PDZD2: variants seen among roughly 807,000 people sequenced by gnomAD.
PDZD2 encodes the protein PDZ domain containing 2.
PDZD2 carries 90 observed loss-of-function variants against 220.7 expected under a neutral mutation model. That is an observed-to-expected ratio of 0.41 (90% CI 0.34 to 0.49). The LOEUF (loss-of-function observed/expected upper bound fraction) is 0.49, where lower values mean the gene tolerates loss of function less well. Among genes scored for constraint, PDZD2 ranks in the 20% least tolerant of loss-of-function variants. PDZD2 has a pLI of 0.28. For missense variants in PDZD2, 3,174 were observed against 3,608.5 expected (o/e 0.88, Z 3.08); for synonymous variants, 1,375 against 1,450.5 (o/e 0.95, Z 1.18).
intron 2 of PDZD2, among the ~76,000 whole-genome samples, chr5:31,972,248 G>C (rs1472782915): frequency 6.6e-6 from 1 of 152,118 alleles, no homozygotes; most frequent in African/African-American, 2.4e-5. Flanking sequence ...CAAGTAGCTA[G>C]GACCAGAGGT....
intron 7 of PDZD2, among the ~76,000 whole-genome samples, chr5:32,037,669 T>A (rs567750083): frequency 6.6e-6 from 1 of 152,178 alleles, no homozygotes; most frequent in Non-Finnish European, 1.5e-5. Context: ...CAAATCTGCA[T>A]TTCAATAAGC....
chr5:32,074,203 C>A lies in PDZD2; in HGVS notation c.3097C>A (p.Pro1033Thr). The A allele has an allele frequency of 6.2e-7, 1 of 1,614,210 alleles. No homozygotes were observed. Among genetic ancestry groups the A allele is most frequent in the Non-Finnish European group, 8.5e-7 (1 of 1,180,038 alleles). The change falls in exon 18 of 25, where the codon CCT becomes ACT. Residue 1033 changes from proline to threonine, a missense_variant. Coordinates refer to ENST00000438447, the MANE Select transcript of PDZD2 (RefSeq NM_178140.4). ...ACTGGTGAGCAAGGCCATCTCGGCA[C>A]CTCTTCTTGGTAGCTCAGTGGACTT... ...KTLVSKAISA[P>T]LLGSSVDLEE... is the part of the protein sequence containing the mutation.
intron 2 of PDZD2, among the ~76,000 whole-genome samples, chr5:31,885,801 G>C (rs1348238514): frequency 2.6e-5 from 4 of 152,144 alleles, no homozygotes; most frequent in African/African-American, 7.2e-5. Flanking sequence ...AGGTTGACAT[G>C]AAAACCAGAA....
intron 1 of PDZD2, among the ~76,000 whole-genome samples, chr5:31,662,037 G>A (rs749631324): frequency 2.2e-4 from 34 of 152,138 alleles, no homozygotes; most frequent in Non-Finnish European, 1.6e-4. Flanking sequence ...TCGGCTGGGC[G>A]TGGTGGCTCA....
rs964256485 is a variant in PDZD2, at chr5:32,058,921, G to C, written c.2201-318G>C. Among the ~76,000 whole-genome samples the C allele has an allele frequency of 2.0e-5, 3 of 152,158 alleles. No homozygotes were observed. In the South Asian group the frequency reaches 6.2e-4, roughly 32 times the overall value. On this transcript the variant is annotated intron_variant, in intron 12 of 24. Coordinates refer to ENST00000438447, the MANE Select transcript of PDZD2 (RefSeq NM_178140.4). ...GAAAAGCAAAAGAAAGCTTGAGTTT[G>C]TGTACCTAGAATAAAAACGTTACTT...
intron 1 of PDZD2, among the ~76,000 whole-genome samples, chr5:31,789,908 A>C (rs1437524475): frequency 6.6e-6 from 1 of 152,102 alleles, no homozygotes; most frequent in Non-Finnish European, 1.5e-5. Flanking sequence ...ACAAGAGCGA[A>C]ACTCCTTCTC....
rs528169977 is a variant in PDZD2, at chr5:32,000,560, G to C, written c.1254+289G>C. On this transcript the variant is annotated intron_variant, in intron 5 of 24. Coordinates refer to ENST00000438447, the MANE Select transcript of PDZD2 (RefSeq NM_178140.4). This position sits in a 1 kb window ranked among gnomAD's most constrained non-coding sequence, Gnocchi z 4.5. ...AGTTTCACTCTTGTTGCCTAGTCTGGAGTGCAATGGCGCAATCTCGGCTCA... is the reference window on the plus strand; with the variant it reads ...AGTTTCACTCTTGTTGCCTAGTCTGCAGTGCAATGGCGCAATCTCGGCTCA... Among the ~76,000 whole-genome samples, 2 of 152,108 alleles carry C rather than the reference G, an allele frequency of 1.3e-5. No individual in the cohort carries two copies. The highest frequency in any genetic ancestry group is 4.8e-5 in the African/African-American group (2 of 41,486).
chr5:32,014,717 T>C (rs938435932), intron 6 of PDZD2, among the ~76,000 whole-genome samples: 1,378 of 133,202 alleles, frequency 0.01, 94 homozygotes, highest in African/African-American at 0.041. Flanking sequence ...TTTTTTTTTT[T>C]TTTTTTTTTT....
At chr5:31,958,081 A>C (rs1289326139) in intron 2 of PDZD2, among the ~76,000 whole-genome samples, 2 of 152,182 alleles carry the variant, frequency 1.3e-5, no homozygotes, top group Non-Finnish European at 2.9e-5. Flanking sequence ...TTCATGTCAT[A>C]ACACATAGGT....
chr5:31,670,700 C>T (rs1289988522), intron 1 of PDZD2, among the ~76,000 whole-genome samples: 3 of 152,114 alleles, frequency 2.0e-5, no homozygotes, highest in Non-Finnish European at 4.4e-5. Context: ...GGATTACAGA[C>T]GTGAGCCACC....
At chr5:31,813,025 C>G (rs1755214173) in intron 2 of PDZD2, among the ~76,000 whole-genome samples, 1 of 152,204 alleles carries the variant, frequency 6.6e-6, no homozygotes, top group African/African-American at 2.4e-5. Flanking sequence ...ACATAAAATT[C>G]ATCAGGGGAC....
At chr5:31,784,733 C>G (rs1009335931) in intron 1 of PDZD2, among the ~76,000 whole-genome samples, 4 of 151,212 alleles carry the variant, frequency 2.6e-5, no homozygotes, top group Admixed American at 6.6e-5. Context: ...ATGGTGAAAC[C>G]CTGTCTCTAC....
chr5:31,726,419 C>T (rs1749142564), intron 1 of PDZD2, among the ~76,000 whole-genome samples: 1 of 152,192 alleles, frequency 6.6e-6, no homozygotes, highest in South Asian at 2.1e-4. Flanking sequence ...ATCCCAGCTA[C>T]TCAGGAGGCT....
chr5:31,992,522 A>G (rs1751300000), intron 3 of PDZD2, among the ~76,000 whole-genome samples: 1 of 152,172 alleles, frequency 6.6e-6, no homozygotes, highest in Admixed American at 6.5e-5. Context: ...TACTTCTAAA[A>G]GTATTTAAAA....
At chr5:31,977,976 A>G (rs530305948) in intron 2 of PDZD2, among the ~76,000 whole-genome samples, 208 of 152,318 alleles carry the variant, frequency 1.4e-3, no homozygotes, top group African/African-American at 4.9e-3. Flanking sequence ...TGTGTCTCTT[A>G]AAGAGAACTA....
At chr5:32,076,712 C>T (rs187347254) in intron 18 of PDZD2, among the ~76,000 whole-genome samples, 1 of 152,286 alleles carries the variant, frequency 6.6e-6, no homozygotes, top group East Asian at 1.9e-4. Context: ...ATATGACCCA[C>T]CACCTCTGTC....
intron 2 of PDZD2, among the ~76,000 whole-genome samples, chr5:31,942,253 T>G (rs1310295513): frequency 6.6e-6 from 1 of 152,152 alleles, no homozygotes; most frequent in Non-Finnish European, 1.5e-5. Context: ...GAGAACTAGG[T>G]CAAGATGATA....
At chr5:31,658,037 A>AT (rs1745617898) in intron 1 of PDZD2, among the ~76,000 whole-genome samples, 4 of 152,236 alleles carry the variant, frequency 2.6e-5, no homozygotes, top group African/African-American at 9.6e-5. Context: ...AACCACTGGC[A>AT]TTTTCTGCCC....
In PDZD2 at chr5:31,753,043, A is replaced by G. The variant is rs1049649034; in HGVS notation, c.-360-45846A>G. Among the ~76,000 whole-genome samples the G allele has an allele frequency of 7.4e-4, 113 of 152,294 alleles. 1 individual carries two copies. The highest frequency in any genetic ancestry group is 2.7e-3 in the African/African-American group (113 of 41,562). The stretch of plus-strand genomic sequence containing the variant: ...TGAATTAAAATGGACTTTCCTTATG[A>G]TTGGTATTTTCAGCAGCTGCTGTAG... On this transcript the variant is annotated intron_variant, in intron 1 of 24. Coordinates refer to ENST00000438447, the MANE Select transcript of PDZD2 (RefSeq NM_178140.4).
Sources: allele counts gnomAD v4.1 joint callset (sites outside exome capture counted in the v4.1 genomes callset), GRCh38; gene constraint gnomAD v4.1.1; non-coding constraint Gnocchi (gnomAD v3.1); transcripts MANE v1.5; gene names NCBI Gene and HGNC (gene_info 2026-07-23, HGNC 2026-07-21).